The following THSD7B variants were observed in gnomAD, a reference collection of about 807,000 sequenced individuals.
THSD7B encodes the protein thrombospondin type-1 domain-containing protein 7B.
THSD7B carries 138 observed loss-of-function variants against 213.6 expected under a neutral mutation model. That is an observed-to-expected ratio of 0.65 (90% confidence interval 0.56 to 0.74). The LOEUF (loss-of-function observed/expected upper bound fraction) is 0.74. Among genes scored for constraint, THSD7B ranks in the 30% least tolerant of loss-of-function variants. The pLI is 0.00. For missense variants in THSD7B, 1,931 were observed against 1,991.5 expected (o/e 0.97, Z 0.58); for synonymous variants, 742 against 687.0 (o/e 1.08, Z -1.25).
chr2:137,347,259 G>A (rs952670832), intron 12 of THSD7B, among the ~76,000 whole-genome samples: 10 of 151,688 alleles, frequency 6.6e-5, no homozygotes, highest in Admixed American at 5.3e-4. Context: ...AGAGATGAAG[G>A]TTGATATAGA....
intron 12 of THSD7B, among the ~76,000 whole-genome samples, chr2:137,293,461 C>T (rs774195338): frequency 1.3e-5 from 2 of 152,022 alleles, no homozygotes; most frequent in African/African-American, 2.4e-5. Flanking sequence ...TTCTCCTATT[C>T]TGTGAAATAC....
At chr2:137,131,644 C>T (rs1688734625) in intron 5 of THSD7B, among the ~76,000 whole-genome samples, 1 of 152,154 alleles carries the variant, frequency 6.6e-6, no homozygotes. Context: ...GGAATCCTTT[C>T]CCCATTGCTT....
At chr2:136,874,134 G>C (rs1261436797) in intron 1 of THSD7B, among the ~76,000 whole-genome samples, 2 of 151,984 alleles carry the variant, frequency 1.3e-5, no homozygotes, top group African/African-American at 4.8e-5. Flanking sequence ...ATGAAAAAAT[G>C]CTTGTGTTGA....
intron 1 of THSD7B, among the ~76,000 whole-genome samples, chr2:136,821,211 C>G (rs1379046948): frequency 6.6e-6 from 1 of 151,870 alleles, no homozygotes; most frequent in Non-Finnish European, 1.5e-5. Flanking sequence ...TATTTTTTTT[C>G]CCAGTAATTT....
At chr2:137,481,174 T>G (rs2105105583) in intron 15 of THSD7B, among the ~76,000 whole-genome samples, 1 of 146,448 alleles carries the variant, frequency 6.8e-6, no homozygotes, top group South Asian at 2.1e-4. Context: ...AAGTTTCTAT[T>G]TTTTGAATTG....
At chr2:137,575,719 A>AACAC (rs1553461200) in intron 17 of THSD7B, among the ~76,000 whole-genome samples, 18,193 of 135,038 alleles carry the variant, frequency 0.13, 1,415 homozygotes, top group South Asian at 0.24. Context: ...TTATTCCCAT[A>AACAC]ACACACATAT....
intron 17 of THSD7B, among the ~76,000 whole-genome samples, chr2:137,599,333 A>G (rs1418034280): frequency 2.6e-5 from 4 of 151,876 alleles, no homozygotes; most frequent in Non-Finnish European, 4.4e-5. Flanking sequence ...GAATAATGCC[A>G]CAGACACTTC....
intron 3 of THSD7B, among the ~76,000 whole-genome samples, chr2:137,089,383 AGTG>A (rs1687908428): frequency 9.0e-6 from 1 of 111,006 alleles, no homozygotes; most frequent in Non-Finnish European, 1.7e-5. Flanking sequence ...TATATATACT[AGTG>A]TGTATATGTA....
chr2:136,819,694 C>A (rs942165627), intron 1 of THSD7B, among the ~76,000 whole-genome samples: 149 of 152,158 alleles, frequency 9.8e-4, no homozygotes, highest in Non-Finnish European at 4.9e-4. Context: ...ATGCCCCCCC[C>A]AGTCCAGCTG....
At position 137,242,382 on chromosome 2, in the gene THSD7B, C is replaced by A. The variant is rs1681929702; in HGVS notation, c.2151-75C>A. On this transcript the variant is annotated intron_variant, in intron 9 of 27. Coordinates refer to ENST00000409968, the MANE Select transcript of THSD7B (RefSeq NM_001316349.2). ...CATGAGGCCCTTAATATTTTCGGTT[C>A]TAAAATCCTATAGTTCTGCGTTCAA... is the stretch of plus-strand genomic sequence containing the variant. 4 of 1,195,974 alleles carry A rather than the reference C, an allele frequency of 3.3e-6. No homozygotes were observed. In the African/African-American group the frequency reaches 4.5e-5, roughly 14 times the overall value. 74.1% of individuals were successfully genotyped at this position (1,195,974 alleles called of 1,614,324 possible).
chr2:137,336,500 T>C (rs1257007338), intron 12 of THSD7B, among the ~76,000 whole-genome samples: 1 of 152,168 alleles, frequency 6.6e-6, no homozygotes, highest in African/African-American at 2.4e-5. Context: ...TTAAAGAACT[T>C]AAATAACCTT....
chr2:137,234,368 T>A (rs1183763130), intron 9 of THSD7B, among the ~76,000 whole-genome samples: 1 of 152,216 alleles, frequency 6.6e-6, no homozygotes, highest in Non-Finnish European at 1.5e-5. Flanking sequence ...TGATCCACAC[T>A]GTCATGGAAG....
chr2:137,369,953 C>T (rs929739507), intron 12 of THSD7B, among the ~76,000 whole-genome samples: 1 of 145,404 alleles, frequency 6.9e-6, no homozygotes, highest in African/African-American at 2.5e-5. Context: ...ATTTGAATAG[C>T]TGTCTCTGTT....
chr2:137,085,716 A>G (rs1687825699), intron 3 of THSD7B, among the ~76,000 whole-genome samples: 2 of 152,172 alleles, frequency 1.3e-5, no homozygotes, highest in South Asian at 4.1e-4. Flanking sequence ...GATGACCTAA[A>G]TATGAAATGG....
At chr2:137,613,662 T>C (rs1682328062) in intron 17 of THSD7B, among the ~76,000 whole-genome samples, 1 of 152,180 alleles carries the variant, frequency 6.6e-6, no homozygotes, top group Admixed American at 6.5e-5. Flanking sequence ...CACATCATTT[T>C]CCCACTTCTA....
intron 7 of THSD7B, among the ~76,000 whole-genome samples, chr2:137,207,118 T>G (rs1681002655): frequency 6.6e-6 from 1 of 152,020 alleles, no homozygotes. Context: ...AGCTGCAAGA[T>G]GTAAAAGTGA....
intron 1 of THSD7B, among the ~76,000 whole-genome samples, chr2:136,843,780 A>G (rs943193096): frequency 6.6e-6 from 1 of 152,180 alleles, no homozygotes; most frequent in Admixed American, 6.5e-5. Flanking sequence ...GGTCCCAAAT[A>G]TAGTGCCCTG....
At chr2:137,452,345 T>C (rs904621355) in intron 15 of THSD7B, among the ~76,000 whole-genome samples, 3 of 152,012 alleles carry the variant, frequency 2.0e-5, no homozygotes, top group African/African-American at 7.2e-5. Flanking sequence ...GAATAAAATA[T>C]GATTAATGAA....
At chr2:136,931,245 T>A (rs1684622286) in intron 2 of THSD7B, among the ~76,000 whole-genome samples, 1 of 152,160 alleles carries the variant, frequency 6.6e-6, no homozygotes. Context: ...TGCAGCTATA[T>A]ATACATGCAC....
Sources: gnomAD v4.1 joint callset for allele counts (sites outside exome capture counted in the v4.1 genomes callset) on GRCh38, gnomAD v4.1.1 for gene constraint, MANE v1.5 for transcripts, NCBI Gene and HGNC (gene_info 2026-07-23, HGNC 2026-07-21) for gene names.